The following TMEM117 variants were observed in gnomAD, a reference collection of about 807,000 sequenced individuals.
The protein encoded by TMEM117 is transmembrane protein 117.
Under a neutral mutation model 52.4 loss-of-function variants are expected in TMEM117, and 27 were observed. The ratio of observed to expected loss-of-function variants is 0.51; its 90% CI spans 0.38 to 0.71. TMEM117 has a LOEUF of 0.71. Ranked by LOEUF, TMEM117 falls within the 30% of genes least tolerant of loss-of-function variation. The pLI, the probability that TMEM117 is intolerant of heterozygous loss-of-function variation, is 0.00. For missense variants in TMEM117, 556 were observed against 630.5 expected (o/e 0.88, Z 1.26); for synonymous variants, 215 against 206.3 (o/e 1.04, Z -0.36).
intron 2 of TMEM117, among the ~76,000 whole-genome samples, chr12:43,903,865 A>G (rs997569453): frequency 6.6e-6 from 1 of 151,964 alleles, no homozygotes; most frequent in African/African-American, 2.4e-5. Flanking sequence ...AGAATGGCTG[A>G]GCAAGTGTTT....
At chr12:43,970,324 T>A (rs1269654074) in intron 3 of TMEM117, among the ~76,000 whole-genome samples, 1 of 151,918 alleles carries the variant, frequency 6.6e-6, no homozygotes, top group Non-Finnish European at 1.5e-5. Context: ...AGTCTTGCTC[T>A]GTTGCCCAGG....
chr12:44,338,431 C>A (rs1002101119), intron 6 of TMEM117, among the ~76,000 whole-genome samples: 1 of 151,960 alleles, frequency 6.6e-6, no homozygotes, highest in Non-Finnish European at 1.5e-5. Flanking sequence ...AGGTAATACA[C>A]TGCATTATGA....
At chr12:43,805,509 T>C in the TMEM117 span, 4 of 455,940 alleles carry the variant, frequency 8.8e-6, no homozygotes, top group African/African-American at 8.0e-5. Context: ...ATTTGACTCT[T>C]GATGAGGTGA....
rs146224783 is a variant in TMEM117, at chr12:44,106,981, T to C, written c.411-36544T>C. Among the ~76,000 whole-genome samples, 404 of 152,106 alleles carry C rather than the reference T, an allele frequency of 2.7e-3. 4 individuals carry two copies. The highest frequency in any genetic ancestry group is 9.1e-3 in the African/African-American group (378 of 41,524). On this transcript the variant is annotated intron_variant, in intron 3 of 7. Coordinates refer to ENST00000266534, the MANE Select transcript of TMEM117 (RefSeq NM_032256.3). ...CTACTAACATTGCATTCATAAGAGG[T>C]CATCCTTCAGATAGCAGTGAGGATG... is the stretch of plus-strand genomic sequence containing the variant.
intron 5 of TMEM117, among the ~76,000 whole-genome samples, chr12:44,243,291 T>A (rs1273574302): frequency 6.6e-6 from 1 of 151,952 alleles, no homozygotes; most frequent in Non-Finnish European, 1.5e-5. Context: ...CAGATTTAGG[T>A]CAGAATAGAA....
intron 3 of TMEM117, among the ~76,000 whole-genome samples, chr12:44,041,827 A>G (rs1031562267): frequency 1.3e-5 from 2 of 152,164 alleles, no homozygotes; most frequent in East Asian, 1.9e-4. Context: ...AAATCAATAA[A>G]TGTGATCTGT....
intron 2 of TMEM117, among the ~76,000 whole-genome samples, chr12:43,936,429 C>G (rs532226647): frequency 6.6e-6 from 1 of 152,110 alleles, no homozygotes; most frequent in East Asian, 1.9e-4. Flanking sequence ...GGTAGGATAT[C>G]TAAGACTATA....
chr12:44,047,133 G>A (rs74084622), intron 3 of TMEM117, among the ~76,000 whole-genome samples: 2,410 of 151,786 alleles, frequency 0.016, 26 homozygotes, highest in Middle Eastern at 0.045. Context: ...GTGTGTGTGT[G>A]TATATATATA....
intron 3 of TMEM117, among the ~76,000 whole-genome samples, chr12:44,017,233 C>CTCTGTGTGTGTGTGTG (rs1555193971): frequency 6.8e-6 from 1 of 147,210 alleles, no homozygotes; most frequent in African/African-American, 2.5e-5. Flanking sequence ...ATGAAGCCTT[C>CTCTGTGTGTGTGTGTG]TGTGTGTGTG....
At chr12:44,009,076 G>A (rs1946248320) in intron 3 of TMEM117, 1 of 365,616 alleles carries the variant, frequency 2.7e-6, no homozygotes, top group African/African-American at 2.2e-5. Flanking sequence ...TCTCCTGTGT[G>A]GTGTTTCCCA....
chr12:43,816,104 A>G, the TMEM117 span, among the ~76,000 whole-genome samples: 1 of 152,168 alleles, frequency 6.6e-6, no homozygotes, highest in African/African-American at 2.4e-5. Flanking sequence ...AAGGGTTCTA[A>G]GCTCAAAGTC....
chr12:43,994,757 T>G (rs973024982), intron 3 of TMEM117, among the ~76,000 whole-genome samples: 40 of 152,186 alleles, frequency 2.6e-4, no homozygotes, highest in African/African-American at 9.2e-4. Flanking sequence ...TTGCATTTAT[T>G]TATTTAACAT....
chr12:44,078,101 A>C (rs1440491158), intron 3 of TMEM117, among the ~76,000 whole-genome samples: 2 of 152,210 alleles, frequency 1.3e-5, no homozygotes, highest in East Asian at 3.8e-4. Flanking sequence ...GTGTTGATAA[A>C]AACTCAGAAA....
At chr12:43,867,479 A>G (rs1943623213) in intron 2 of TMEM117, among the ~76,000 whole-genome samples, 9 of 152,236 alleles carry the variant, frequency 5.9e-5, no homozygotes, top group South Asian at 2.1e-4. Flanking sequence ...CCTAAATCCA[A>G]CTGTATAATT....
chr12:44,221,321 C>T (rs1949785553), intron 5 of TMEM117, among the ~76,000 whole-genome samples: 1 of 152,134 alleles, frequency 6.6e-6, no homozygotes, highest in South Asian at 2.1e-4. Context: ...CATTAATGTT[C>T]AGTTGTTTAT....
chr12:43,886,886 T>G (rs1165972258), intron 2 of TMEM117, among the ~76,000 whole-genome samples: 2 of 152,140 alleles, frequency 1.3e-5, no homozygotes, highest in Admixed American at 6.5e-5. Flanking sequence ...CTCTCTCTCT[T>G]GTCTAGACTG....
chr12:44,218,716 A>G (rs146989368), intron 5 of TMEM117, among the ~76,000 whole-genome samples: 4 of 152,320 alleles, frequency 2.6e-5, no homozygotes, highest in Non-Finnish European at 1.5e-5. Context: ...GAGACATATT[A>G]CCTATCAGTC....
chr12:44,102,539 C>CT (rs1947879811), intron 3 of TMEM117, among the ~76,000 whole-genome samples: 1 of 151,838 alleles, frequency 6.6e-6, no homozygotes, highest in South Asian at 2.1e-4. Context: ...TCTCCCTCTC[C>CT]TTTTTCTTCC....
At chr12:43,955,721 A>G (rs1945295621) in intron 3 of TMEM117, among the ~76,000 whole-genome samples, 1 of 152,208 alleles carries the variant, frequency 6.6e-6, no homozygotes, top group African/African-American at 2.4e-5. Context: ...GCCCAAAGCA[A>G]TTTATAGATT....
Sources: gnomAD v4.1 joint callset for allele counts (sites outside exome capture counted in the v4.1 genomes callset) on GRCh38, gnomAD v4.1.1 for gene constraint, MANE v1.5 for transcripts, NCBI Gene and HGNC (gene_info 2026-07-23, HGNC 2026-07-21) for gene names.